GPM6A: variants seen among roughly 807,000 people sequenced by gnomAD.
GPM6A encodes the protein glycoprotein M6A.
In GPM6A, 7 loss-of-function variants were observed where a neutral mutation model predicts 32.1. The observed-to-expected ratio is 0.22, with a 90% CI of 0.12 to 0.41. GPM6A has a LOEUF of 0.41. Ranked by LOEUF, GPM6A falls within the 10% of genes least tolerant of loss-of-function variation. The probability of loss-of-function intolerance (pLI) is 1.00; values close to 1 mark genes in which losing one functional copy is unlikely to be tolerated. For missense variants in GPM6A, 235 were observed against 347.2 expected (o/e 0.68, Z 2.57); for synonymous variants, 130 against 123.4 (o/e 1.05, Z -0.35).
intron 2 of GPM6A, among the ~76,000 whole-genome samples, chr4:175,684,158 A>G (rs896547550): frequency 2.0e-5 from 3 of 152,182 alleles, no homozygotes; most frequent in African/African-American, 4.8e-5. Context: ...TACATTATTC[A>G]GTCTTAGTTA....
intron 3 of GPM6A, among the ~76,000 whole-genome samples, chr4:175,665,438 T>G (rs1398696582): frequency 6.6e-6 from 1 of 152,052 alleles, no homozygotes; most frequent in Non-Finnish European, 1.5e-5. Context: ...GAGATTTTAT[T>G]TTTTCAATTG....
chr4:175,772,386 G>A lies in GPM6A; in HGVS notation c.37+39805C>T, dbSNP rs770086220. On this transcript the variant is annotated intron_variant, in intron 1 of 6. Coordinates refer to ENST00000393658, the MANE Select transcript of GPM6A (RefSeq NM_201591.3). ...GGGTTAGGAGGATGAAGAGCAATGT[G>A]AGAGAAGAATGTCGCATGCTTGCAA... Among the ~76,000 whole-genome samples the A allele has an allele frequency of 2.0e-5, 3 of 152,186 alleles. No homozygotes were observed. In the East Asian group the frequency reaches 5.8e-4, roughly 29 times the overall value.
At chr4:175,695,155 C>T (rs563926943) in intron 2 of GPM6A, among the ~76,000 whole-genome samples, 34 of 152,300 alleles carry the variant, frequency 2.2e-4, no homozygotes, top group African/African-American at 6.3e-4. Flanking sequence ...CATAAGCCTG[C>T]TTCAGAGTTG....
intron 1 of GPM6A, among the ~76,000 whole-genome samples, chr4:175,856,643 G>A (rs532558929): frequency 2.0e-5 from 3 of 152,288 alleles, no homozygotes; most frequent in South Asian, 2.1e-4. Context: ...TTACATGAAC[G>A]GATTGAAGGT....
intron 1 of GPM6A, among the ~76,000 whole-genome samples, chr4:175,774,365 A>T (rs1335523143): frequency 6.6e-6 from 1 of 152,118 alleles, no homozygotes; most frequent in African/African-American, 2.4e-5. Context: ...TAATAAGCAT[A>T]TTAATCTTAT....
At chr4:175,941,114 G>A (rs1045518814) in intron 1 of GPM6A, among the ~76,000 whole-genome samples, 1 of 152,174 alleles carries the variant, frequency 6.6e-6, no homozygotes, top group African/African-American at 2.4e-5. Context: ...TTTCAACACA[G>A]GGAATTTTAA....
chr4:175,676,266 G>A (rs973319543), intron 2 of GPM6A, among the ~76,000 whole-genome samples: 3 of 151,992 alleles, frequency 2.0e-5, no homozygotes, highest in Admixed American at 6.6e-5. Flanking sequence ...GCCTGAGAAC[G>A]GACTAATACA....
intron 1 of GPM6A, among the ~76,000 whole-genome samples, chr4:175,770,588 G>A (rs1038788351): frequency 1.3e-5 from 2 of 151,996 alleles, no homozygotes; most frequent in Admixed American, 1.3e-4. Flanking sequence ...TCTACTTCAA[G>A]TTATCTTCCT....
chr4:175,901,194 AAATT>A lies in GPM6A; in HGVS notation c.-22-88949_-22-88946del, dbSNP rs1234203105. Among the ~76,000 whole-genome samples the A allele has an allele frequency of 3.9e-5, 6 of 152,202 alleles. No homozygotes were observed. In the East Asian group the frequency reaches 1.2e-3, roughly 29 times the overall value. On this transcript the variant is annotated intron_variant, in intron 1 of 7. Transcript: ENST00000280187. The stretch of plus-strand genomic sequence containing the variant: ...TGGGGGTGGTTAACAGGTACAAAAA[AAATT>A]AGAAAGAATGAAAAAGACATAGTAT...
intron 1 of GPM6A, among the ~76,000 whole-genome samples, chr4:175,992,175 C>T (rs916825849): frequency 3.3e-5 from 5 of 151,468 alleles, no homozygotes; most frequent in African/African-American, 1.2e-4. Flanking sequence ...CAACTAGTTC[C>T]CTCACTAATT....
intron 1 of GPM6A, among the ~76,000 whole-genome samples, chr4:175,790,993 G>GA (rs1733991022): frequency 6.6e-6 from 1 of 151,854 alleles, no homozygotes; most frequent in Non-Finnish European, 1.5e-5. Flanking sequence ...TTGTGTGTAT[G>GA]AGAGAGAGAG....
intron 1 of GPM6A, among the ~76,000 whole-genome samples, chr4:175,732,934 A>C (rs1470074280): frequency 6.6e-6 from 1 of 152,208 alleles, no homozygotes; most frequent in Non-Finnish European, 1.5e-5. Context: ...TGAGACATAG[A>C]ATATTAATTT....
chr4:175,924,770 G>T (rs1254038548), intron 1 of GPM6A, among the ~76,000 whole-genome samples: 1 of 150,878 alleles, frequency 6.6e-6, no homozygotes, highest in African/African-American at 2.4e-5. Flanking sequence ...AACCTAGGAG[G>T]CAGAGTTTGC....
rs117982013 is a variant in GPM6A, at chr4:175,982,502, C to T, written c.-23+19807G>A. Among the ~76,000 whole-genome samples the T allele has an allele frequency of 1.5e-3, 235 of 152,198 alleles. 3 individuals are homozygous for T. The East Asian group carries it at 0.036, about 23-fold the overall frequency. On this transcript the variant is annotated intron_variant, in intron 1 of 7. Transcript: ENST00000280187. ...CTTCCAGTATCATTTGTTTAAAATA[C>T]TTTGCTTTTCTCCACTTAATACTCT...
At chr4:175,871,723 G>A (rs559897664) in intron 1 of GPM6A, among the ~76,000 whole-genome samples, 2 of 152,044 alleles carry the variant, frequency 1.3e-5, no homozygotes, top group Non-Finnish European at 2.9e-5. Context: ...TAGGAATATT[G>A]CCTATTTCAG....
intron 1 of GPM6A, among the ~76,000 whole-genome samples, chr4:175,770,898 T>G (rs1733161004): frequency 6.6e-6 from 1 of 152,198 alleles, no homozygotes; most frequent in South Asian, 2.1e-4. Flanking sequence ...CATGATTACT[T>G]CATCCTCGGT....
chr4:175,685,386 A>C (rs781022159), intron 2 of GPM6A, among the ~76,000 whole-genome samples: 6 of 152,186 alleles, frequency 3.9e-5, no homozygotes, highest in South Asian at 2.1e-4. Flanking sequence ...GGAGTGTTTC[A>C]CAGCCAACTT....
At chr4:175,904,419 T>C (rs1348175239) in intron 1 of GPM6A, among the ~76,000 whole-genome samples, 5 of 152,182 alleles carry the variant, frequency 3.3e-5, no homozygotes, top group Admixed American at 3.3e-4. Context: ...CACATGTGTC[T>C]ACATACATAT....
intron 1 of GPM6A, among the ~76,000 whole-genome samples, chr4:175,971,322 C>T (rs1419435913): frequency 6.6e-6 from 1 of 150,962 alleles, no homozygotes; most frequent in Non-Finnish European, 1.5e-5. Context: ...CTTTAGGTTA[C>T]TATGCATCAA....
Sources: allele counts gnomAD v4.1 joint callset (sites outside exome capture counted in the v4.1 genomes callset), GRCh38; gene constraint gnomAD v4.1.1; transcripts MANE v1.5; gene names NCBI Gene and HGNC (gene_info 2026-07-23, HGNC 2026-07-21).